Variants in LOXL4 observed in about 807,000 individuals in gnomAD.
LOXL4 encodes the protein lysyl oxidase homolog 4.
Under a neutral mutation model 89.1 loss-of-function variants are expected in LOXL4, and 72 were observed. The observed-to-expected ratio is 0.81, with a 90% CI of 0.67 to 0.98. LOXL4 has a LOEUF of 0.98. LOXL4 is among the 50% of genes least tolerant of loss of function. LOXL4 has a pLI of 0.00. For missense variants in LOXL4, 984 were observed against 1,017.5 expected (o/e 0.97, Z 0.45); for synonymous variants, 355 against 392.1 (o/e 0.91, Z 1.12).
chr10:98,250,429 A>G (rs4919190), intron 14 of LOXL4, among the ~76,000 whole-genome samples: 81,231 of 152,090 alleles, frequency 0.53, 21,801 homozygotes, highest in Non-Finnish European at 0.56. Flanking sequence ...TTTGTTGACT[A>G]AATGAACAAC....
chr10:98,261,017 C>A lies in LOXL4; in HGVS notation c.567G>T (p.Gln189His). 2 of 1,614,068 alleles carry A rather than the reference C, an allele frequency of 1.2e-6. No homozygotes were observed. The highest frequency in any genetic ancestry group is 1.7e-6 in the Non-Finnish European group (2 of 1,180,036). The change falls in exon 4 of 15, where the codon CAG becomes CAT. Residue 189 changes from glutamine (Q) to histidine (H), a missense_variant. Transcript: ENST00000260702. Reference sequence around the variant, plus strand: ...TCATGGTCCAGCCCTGGTCACACACCTGCCGCCAGTGGCCCTCATACTTCA... The same window carrying A: ...TCATGGTCCAGCCCTGGTCACACACATGCCGCCAGTGGCCCTCATACTTCA... ...VEVKYEGHWRQVCDQGWTMNN... is the reference protein window; with the variant it reads ...VEVKYEGHWRHVCDQGWTMNN...
At chr10:98,250,460 A>T (rs765416726) in intron 14 of LOXL4, among the ~76,000 whole-genome samples, 4 of 152,238 alleles carry the variant, frequency 2.6e-5, no homozygotes, top group Non-Finnish European at 5.9e-5. Flanking sequence ...CCCACCGCAC[A>T]TATGCAAGTA....
intron 9 of LOXL4, 68 bp downstream of exon 9, chr10:98,256,712 A>T: frequency 6.3e-7 from 1 of 1,586,118 alleles, no homozygotes; most frequent in South Asian, 1.1e-5. Context: ...CAGCTTTAGC[A>T]CAGGAAGTTT....
At chr10:98,249,105 G>A in intron 14 of LOXL4, 114 bp from the exon 15 acceptor site, 1 of 762,824 alleles carries the variant, frequency 1.3e-6, no homozygotes. Context: ...GTCATGGCAT[G>A]GGCACAGACA....
rs532673782 is a variant in LOXL4, at chr10:98,249,285, G to A, written c.2201-294C>T. Among the ~76,000 whole-genome samples, 52 of 152,278 alleles carry A rather than the reference G, an allele frequency of 3.4e-4. 1 individual carries two copies. Among genetic ancestry groups the A allele is most frequent in the East Asian group, 3.1e-3 (16 of 5,186 alleles). On this transcript the variant is annotated intron_variant, in intron 14 of 14. Coordinates refer to ENST00000260702, the MANE Select transcript of LOXL4 (RefSeq NM_032211.7). The stretch of plus-strand genomic sequence containing the variant: ...GTGCCCTAGGAAGCTGATGCCTAGC[G>A]ATTACATCACTCTGGCTCCTTTGTC...
chr10:98,262,843 A>G lies in LOXL4; in HGVS notation c.177T>C (p.Asp59=), dbSNP rs1858584885. Residue 59 remains aspartate, a synonymous_variant, in exon 2 of 15, where the codon GAT becomes GAC. Coordinates refer to ENST00000260702, the MANE Select transcript of LOXL4 (RefSeq NM_032211.7). ...TGGCCTCCTGGATAGCAAAGTTGTC[A>G]TCACACACGGTGCCCCACTGGCCCT... ...LHQGQWGTVC[D]DNFAIQEATV... is the part of the protein sequence containing the mutation. The G allele has an allele frequency of 6.2e-7, 1 of 1,613,758 alleles. No homozygotes were observed. The highest frequency in any genetic ancestry group is 8.5e-7 in the Non-Finnish European group (1 of 1,180,040).
chr10:98,252,284 C>G (rs1858214625), intron 12 of LOXL4, 69 bp downstream of exon 12: 1 of 1,234,740 alleles, frequency 8.1e-7, no homozygotes, highest in African/African-American at 1.5e-5. Context: ...GAGAGAAAGC[C>G]TGATCCCAAA....
chr10:98,260,972 G>A lies in LOXL4; in HGVS notation c.612C>T (p.Cys204=), dbSNP rs778782990. 5.6e-6 allele frequency: 9 copies of A among 1,613,746 alleles called. No individual in the cohort carries two copies. Among genetic ancestry groups the A allele is most frequent in the East Asian group, 2.2e-5 (1 of 44,866 alleles). ...GWTMNNSRVV[C]GMLGFPSEVP... is the part of the protein sequence containing the mutation. ...CCTCGCTGGGGAAGCCCAGCATCCC[G>A]CACACCACCCTGCTGTTGTTCATGG... Residue 204 remains cysteine (C), a synonymous_variant, in exon 4 of 15, where the codon TGC becomes TGT. Transcript: ENST00000260702.
At chr10:98,250,709 A>G (rs994092228) in intron 14 of LOXL4, among the ~76,000 whole-genome samples, 4 of 152,212 alleles carry the variant, frequency 2.6e-5, no homozygotes, top group African/African-American at 9.6e-5. Context: ...TGAGGACCCT[A>G]ACCCTAACTT....
At chr10:98,251,238 G>T (rs1360566085) in intron 13 of LOXL4, 62 bp from the exon 14 acceptor site, 22 of 1,223,986 alleles carry the variant, frequency 1.8e-5, no homozygotes, top group Non-Finnish European at 2.6e-5. Context: ...GTTGACTGTG[G>T]CTGTGATAAT....
In LOXL4 at chr10:98,256,864, G is replaced by A. The variant is rs780634602; in HGVS notation, c.1344C>T (p.Ser448=). Residue 448 remains serine (S), a synonymous_variant, in exon 9 of 15, where the codon AGC becomes AGT. Coordinates refer to ENST00000260702, the MANE Select transcript of LOXL4 (RefSeq NM_032211.7). ...VEVNGVPRWG[S]VCSENWGLTE... is the part of the protein sequence containing the mutation. ...TGAGCCCCCAGTTTTCACTGCACAC[G>A]CTCCCCCAGCGTGGGACCCCGTTCA... 46 of 1,613,974 alleles carry A rather than the reference G, an allele frequency of 2.9e-5. No homozygotes were observed. The highest frequency in any genetic ancestry group is 4.5e-5 in the East Asian group (2 of 44,896).
intron 3 of LOXL4, among the ~76,000 whole-genome samples, chr10:98,261,343 G>A (rs1404992365): frequency 6.6e-6 from 1 of 152,214 alleles, no homozygotes; most frequent in Non-Finnish European, 1.5e-5. Flanking sequence ...GCTTGTCTAA[G>A]CCCTTTCCCT....
chr10:98,267,881 A>AC (rs2135851548), intron 1 of LOXL4, among the ~76,000 whole-genome samples: 1 of 152,066 alleles, frequency 6.6e-6, no homozygotes, highest in East Asian at 1.9e-4. Context: ...ACACGCAGGC[A>AC]CCCCTGAGGC....
At chr10:98,255,763 C>CTGGCTGACTGGGTG in intron 9 of LOXL4, 24 bp from the exon 10 acceptor site, 1 of 1,599,198 alleles carries the variant, frequency 6.3e-7, no homozygotes, top group Non-Finnish European at 8.6e-7. Flanking sequence ...CAGCGTCACC[C>CTGGCTGACTGGGTG]AGTCAGCGTG....
intron 13 of LOXL4, 123 bp from the exon 14 acceptor site, chr10:98,251,299 G>A (rs776932143): frequency 8.3e-6 from 7 of 846,924 alleles, no homozygotes; most frequent in Admixed American, 2.1e-5. Context: ...TTACCCAGGA[G>A]GTAGGTACTG....
chr10:98,251,800 C>CAGATTAAGGACCGTCAGAGCT, intron 12 of LOXL4, 98 bp from the exon 13 acceptor site: 1 of 1,422,708 alleles, frequency 7.0e-7, no homozygotes, highest in Admixed American at 2.0e-5. Context: ...GCCCAGTTCA[C>CAGATTAAGGACCGTCAGAGCT]AGATTAAGGA....
At chr10:98,263,189 C>A in intron 1 of LOXL4, 138 bp from the exon 2 acceptor site, 1 of 619,380 alleles carries the variant, frequency 1.6e-6, no homozygotes, top group Non-Finnish European at 2.8e-6. Context: ...CGCACACACA[C>A]ACACAGTGGC....
Position 98,253,378 on chromosome 10 carries a change from A to T in LOXL4, c.1835+175T>A, listed in dbSNP as rs138315791. 6.6e-4 allele frequency among the ~76,000 whole-genome samples: 101 copies of T among 152,386 alleles called. No homozygotes were observed. The East Asian group carries it at 0.015, about 22-fold the overall frequency. On this transcript the variant is annotated intron_variant, in intron 11 of 14. Transcript: ENST00000260702. Reference sequence around the variant, plus strand: ...CATTGACATAGTGAAGGCGAGAGCGATGGAGGGGCAGGTGGATGCCGCTGT... The same window carrying T: ...CATTGACATAGTGAAGGCGAGAGCGTTGGAGGGGCAGGTGGATGCCGCTGT...
intron 2 of LOXL4, 134 bp from the exon 3 acceptor site, chr10:98,262,347 G>T (rs1858568521): frequency 6.1e-6 from 5 of 824,244 alleles, no homozygotes; most frequent in Non-Finnish European, 7.6e-6. Flanking sequence ...GAGGAAGTTT[G>T]GGTCTCCTGG....
Sources: allele counts gnomAD v4.1 joint callset (sites outside exome capture counted in the v4.1 genomes callset), GRCh38; gene constraint gnomAD v4.1.1; transcripts MANE v1.5; gene names NCBI Gene and HGNC (gene_info 2026-07-23, HGNC 2026-07-21).